Variants in COL25A1 observed in about 807,000 individuals in gnomAD.
COL25A1 encodes collagen alpha-1(XXV) chain.
Under a neutral mutation model 128.4 loss-of-function variants are expected in COL25A1, and 103 were observed. The observed-to-expected ratio is 0.80, with a 90% CI of 0.68 to 0.94. COL25A1 has a LOEUF of 0.94. Among genes scored for constraint, COL25A1 ranks in the 40% least tolerant of loss-of-function variants. The probability of loss-of-function intolerance (pLI) is 0.00; values close to 1 mark genes in which losing one functional copy is unlikely to be tolerated. For missense variants in COL25A1, 745 were observed against 840.0 expected, an observed-to-expected ratio of 0.89 and a Z score of 1.40; for synonymous variants, 279 against 277.2, an observed-to-expected ratio of 1.01 and a Z score of -0.06.
At chr4:109,197,133 C>G (rs1344025136) in intron 3 of COL25A1, among the ~76,000 whole-genome samples, 1 of 151,268 alleles carries the variant, frequency 6.6e-6, no homozygotes, top group Non-Finnish European at 1.5e-5. Flanking sequence ...GCCTGAGGAA[C>G]ATAGCAAGGC....
chr4:108,899,561 G>A (rs897699422), intron 14 of COL25A1, among the ~76,000 whole-genome samples: 3 of 152,056 alleles, frequency 2.0e-5, no homozygotes, highest in Non-Finnish European at 4.4e-5. Context: ...GGACTAGCAT[G>A]TTTTTCTGAA....
intron 3 of COL25A1, among the ~76,000 whole-genome samples, chr4:109,136,125 C>T (rs1345915223): frequency 1.3e-5 from 2 of 152,140 alleles, no homozygotes; most frequent in South Asian, 2.1e-4. Flanking sequence ...AGGCCAGGCA[C>T]GGTGGCTCAC....
At chr4:108,951,321 T>C (rs1431558390) in intron 8 of COL25A1, among the ~76,000 whole-genome samples, 1 of 152,012 alleles carries the variant, frequency 6.6e-6, no homozygotes, top group Non-Finnish European at 1.5e-5. Flanking sequence ...TCATGATCCT[T>C]CAACTGCAGT....
At chr4:108,872,791 A>T (rs1427399758) in intron 19 of COL25A1, among the ~76,000 whole-genome samples, 2 of 152,170 alleles carry the variant, frequency 1.3e-5, no homozygotes, top group Non-Finnish European at 2.9e-5. Flanking sequence ...TGCTCTTTTT[A>T]AAAAATCTTG....
chr4:109,047,799 C>G (rs957719845), intron 5 of COL25A1, among the ~76,000 whole-genome samples: 4 of 139,600 alleles, frequency 2.9e-5, no homozygotes, highest in African/African-American at 1.1e-4. Context: ...GTGGCATGAT[C>G]TCGGCTCACT....
chr4:109,091,096 A>G (rs985804411), intron 3 of COL25A1, among the ~76,000 whole-genome samples: 5 of 152,226 alleles, frequency 3.3e-5, no homozygotes, highest in Admixed American at 3.3e-4. Context: ...AGGCAGTTCA[A>G]GGAAGCAGTT....
chr4:109,039,578 C>T (rs1179549654), intron 5 of COL25A1, among the ~76,000 whole-genome samples: 1 of 152,166 alleles, frequency 6.6e-6, no homozygotes, highest in East Asian at 1.9e-4. Flanking sequence ...CTCTACTGTC[C>T]TCCCACTGCA....
At chr4:109,201,476 G>A (rs1444991169) in intron 3 of COL25A1, among the ~76,000 whole-genome samples, 1 of 152,144 alleles carries the variant, frequency 6.6e-6, no homozygotes, top group African/African-American at 2.4e-5. Context: ...ACTAAGAATA[G>A]AGGGTAACTT....
At chr4:108,936,221 T>G (rs936459131) in intron 11 of COL25A1, among the ~76,000 whole-genome samples, 1 of 152,158 alleles carries the variant, frequency 6.6e-6, no homozygotes, top group African/African-American at 2.4e-5. Context: ...ACATATGGAC[T>G]TTTTTCCGTT....
chr4:109,065,526 T>G (rs1227033694), intron 3 of COL25A1, among the ~76,000 whole-genome samples: 1 of 142,144 alleles, frequency 7.0e-6, no homozygotes, highest in Admixed American at 7.0e-5. Context: ...ACCTTTTTGG[T>G]GCAGCACGCG....
chr4:109,080,634 A>G (rs1215652119), intron 3 of COL25A1, among the ~76,000 whole-genome samples: 3 of 152,216 alleles, frequency 2.0e-5, no homozygotes, highest in African/African-American at 7.2e-5. Flanking sequence ...TGTAATTATC[A>G]AAAGATGTTG....
In COL25A1 at chr4:108,827,118, T is replaced by G. The variant is rs371821135; in HGVS notation, c.1764+17A>C. The G allele has an allele frequency of 1.9e-6, 3 of 1,612,280 alleles. No individual in the cohort carries two copies. Among genetic ancestry groups the G allele is most frequent in the Non-Finnish European group, 2.5e-6 (3 of 1,178,760 alleles). ...TGCATGCGGAAGGTGGGGAGGTGCA[T>G]GTGACCAGGAACTCACAGGCAGCCC... On this transcript the variant is annotated intron_variant, in intron 33 of 37. Coordinates refer to ENST00000399132, the MANE Select transcript of COL25A1 (RefSeq NM_198721.4).
chr4:109,086,269 G>A (rs1764365604), intron 3 of COL25A1, among the ~76,000 whole-genome samples: 1 of 152,192 alleles, frequency 6.6e-6, no homozygotes, highest in Non-Finnish European at 1.5e-5. Context: ...GCCAAAGGAT[G>A]CTGAGTGTTT....
chr4:109,033,435 GCA>G (rs1229355785), intron 5 of COL25A1, among the ~76,000 whole-genome samples: 1 of 152,226 alleles, frequency 6.6e-6, no homozygotes, highest in Admixed American at 6.5e-5. Context: ...CCCCTTGTTT[GCA>G]CAGTCATGTT....
chr4:109,098,170 A>G (rs764016229), intron 3 of COL25A1, among the ~76,000 whole-genome samples: 1 of 152,138 alleles, frequency 6.6e-6, no homozygotes, highest in Non-Finnish European at 1.5e-5. Flanking sequence ...CTACTTTCTC[A>G]GTTTAGAGTA....
chr4:108,888,693 G>C lies in COL25A1; in HGVS notation c.975+528C>G, dbSNP rs185088427. The stretch of plus-strand genomic sequence containing the variant: ...AAAATTTAGTTCATTAACAAATTTA[G>C]TGTGTATAACAACAGTCATGGCACA... On this transcript the variant is annotated intron_variant, in intron 18 of 37. Transcript: ENST00000399132. Among the ~76,000 whole-genome samples the C allele has an allele frequency of 7.9e-5, 12 of 152,266 alleles. No individual in the cohort carries two copies. In the East Asian group the frequency reaches 2.3e-3, roughly 29 times the overall value.
chr4:109,136,962 C>T (rs1277718892), intron 3 of COL25A1, among the ~76,000 whole-genome samples: 5 of 152,188 alleles, frequency 3.3e-5, no homozygotes, highest in Non-Finnish European at 4.4e-5. Flanking sequence ...GAGTAAGCTT[C>T]GAAGCAGATT....
intron 3 of COL25A1, among the ~76,000 whole-genome samples, chr4:109,171,776 T>C (rs1773611965): frequency 6.6e-6 from 1 of 152,194 alleles, no homozygotes; most frequent in South Asian, 2.1e-4. Context: ...TTGAAATGCA[T>C]GCAAATAAGA....
At chr4:108,816,292 G>A (rs574725672) in intron 37 of COL25A1, among the ~76,000 whole-genome samples, 2 of 152,290 alleles carry the variant, frequency 1.3e-5, no homozygotes, top group South Asian at 2.1e-4. Flanking sequence ...CACCAATGGA[G>A]TTGCTAAGGT....
Sources: gnomAD v4.1 joint callset for allele counts (sites outside exome capture counted in the v4.1 genomes callset) on GRCh38, gnomAD v4.1.1 for gene constraint, MANE v1.5 for transcripts, NCBI Gene and HGNC (gene_info 2026-07-23, HGNC 2026-07-21) for gene names.